FBXW4: variants seen among roughly 807,000 people sequenced by gnomAD.
FBXW4 encodes the protein F-box and WD repeat domain containing 4.
In FBXW4, 40 loss-of-function variants were observed where a neutral mutation model predicts 61.8. That is an observed-to-expected ratio of 0.65 (90% CI 0.50 to 0.84). The LOEUF (loss-of-function observed/expected upper bound fraction) is 0.84, where lower values mean the gene tolerates loss of function less well. FBXW4 is among the 40% of genes least tolerant of loss of function. The pLI, the probability that FBXW4 is intolerant of heterozygous loss-of-function variation, is 0.00. For synonymous variants in FBXW4, 311 were observed against 313.8 expected (o/e 0.99, Z 0.10); for missense variants, 672 against 753.8 (o/e 0.89, Z 1.27).
In FBXW4 at chr10:101,611,292, C is replaced by A; in HGVS notation, c.1703G>T (p.Ter568LeuextTer39). 2 of 1,613,428 alleles carry A rather than the reference C, an allele frequency of 1.2e-6. No individual in the cohort carries two copies. The highest frequency in any genetic ancestry group is 2.2e-5 in the South Asian group (2 of 90,906). The change falls in exon 9 of 9, where the codon TGA (stop) becomes TTA (leucine). Residue 568 changes from the stop codon to leucine, a stop_lost. Coordinates refer to ENST00000331272, the MANE Select transcript of FBXW4 (RefSeq NM_022039.4). The surrounding 1 kb of genome is among the most constrained non-coding windows in gnomAD (Gnocchi z 4.9). ...CAGAGGCAGGGGTGGCCCTGACGGT[C>A]ATGGGTTTTGAAAATCCAGGACGTG... is the stretch of plus-strand genomic sequence containing the variant. ...NLHVLDFQNP[*>L]
At chr10:101,676,778 G>A (rs1398236595) in intron 1 of FBXW4, 3 of 142,696 alleles carry the variant, frequency 2.1e-5, no homozygotes, top group African/African-American at 8.4e-5. Context: ...TACAGGAAAA[G>A]TAATTCAAAA....
At chr10:101,660,329 G>GGT in intron 5 of FBXW4, 3 of 703,336 alleles carry the variant, frequency 4.3e-6, no homozygotes, top group Non-Finnish European at 5.2e-6. Context: ...AGTTGGGTTG[G>GGT]GAGGGGGGGT....
At chr10:101,645,216 T>C (rs1241654116) in intron 5 of FBXW4, among the ~76,000 whole-genome samples, 3 of 152,192 alleles carry the variant, frequency 2.0e-5, no homozygotes, top group Non-Finnish European at 2.9e-5. Flanking sequence ...AGTTCAGATG[T>C]GAAGCCAGAC....
chr10:101,629,748 C>T (rs1349425262), intron 5 of FBXW4, among the ~76,000 whole-genome samples: 1 of 151,762 alleles, frequency 6.6e-6, no homozygotes, highest in Non-Finnish European at 1.5e-5. Context: ...CTCATGTGGG[C>T]TACACTTCAA....
At position 101,694,328 on chromosome 10, in the gene FBXW4, C is replaced by G. The variant is rs1408549594; in HGVS notation, c.725+53G>C. 24 of 1,336,346 alleles carry G rather than the reference C, an allele frequency of 1.8e-5. No homozygotes were observed. Among genetic ancestry groups the G allele is most frequent in the Non-Finnish European group, 2.3e-5 (24 of 1,049,726 alleles). The allele number at this position is 1,336,346 out of a possible 1,614,324, so 82.8% of individuals were successfully genotyped here. A position where few individuals can be genotyped will look rare whatever the true frequency, so the allele number is the denominator to read the frequency against. On this transcript the variant is annotated intron_variant, in intron 1 of 8. Transcript: ENST00000331272. This position sits in a 1 kb window ranked among gnomAD's most constrained non-coding sequence, Gnocchi z 6.0. Reference sequence around the variant, plus strand: ...CAGGCCGCGGCGCCCCGCCCTTTCCCGGGACGCGGGGCCGGCTCGGGGCGG... The same window carrying G: ...CAGGCCGCGGCGCCCCGCCCTTTCCGGGGACGCGGGGCCGGCTCGGGGCGG...
At chr10:101,651,001 G>C (rs1311948987) in intron 5 of FBXW4, among the ~76,000 whole-genome samples, 1 of 152,188 alleles carries the variant, frequency 6.6e-6, no homozygotes, top group Non-Finnish European at 1.5e-5. Context: ...CCCTGAGTTC[G>C]GCAGCCTTTT....
At chr10:101,660,495 C>T (rs2064232549) in intron 5 of FBXW4, among the ~76,000 whole-genome samples, 1 of 152,134 alleles carries the variant, frequency 6.6e-6, no homozygotes. Context: ...TTTATGGCTC[C>T]CCTTCACCCT....
rs2064002995 is a variant in FBXW4 at position 101,636,493 on chromosome 10, A to C, written c.1236-11683T>G. Among the ~76,000 whole-genome samples, 15 of 152,036 alleles carry C rather than the reference A, an allele frequency of 9.9e-5. 1 individual carries two copies. On this transcript the variant is annotated intron_variant, in intron 5 of 8. Transcript: ENST00000331272. Reference sequence around the variant, plus strand: ...TAATGTGTGCCCAAGTGCTGTTCTAAGCACTTTCTATCAATTAGTTCACTT... The same window carrying C: ...TAATGTGTGCCCAAGTGCTGTTCTACGCACTTTCTATCAATTAGTTCACTT...
intron 5 of FBXW4, among the ~76,000 whole-genome samples, chr10:101,657,401 G>A (rs1035783000): frequency 2.0e-5 from 3 of 152,110 alleles, no homozygotes; most frequent in Non-Finnish European, 4.4e-5. Flanking sequence ...GGGAGGCCAA[G>A]GTGGATGGCA....
intron 5 of FBXW4, among the ~76,000 whole-genome samples, chr10:101,654,119 T>TA (rs60568785): frequency 1.5e-4 from 18 of 118,288 alleles, no homozygotes; most frequent in African/African-American, 3.5e-4. Context: ...GACTCCGTCT[T>TA]AAAAAAAAAA....
chr10:101,648,456 C>T (rs975859806), intron 5 of FBXW4, among the ~76,000 whole-genome samples: 5 of 152,190 alleles, frequency 3.3e-5, no homozygotes, highest in Admixed American at 6.5e-5. Context: ...TGAGCAAGCA[C>T]CCTGGATCAG....
intron 5 of FBXW4, among the ~76,000 whole-genome samples, chr10:101,652,954 C>T (rs1056523456): frequency 6.6e-6 from 1 of 152,190 alleles, no homozygotes; most frequent in African/African-American, 2.4e-5. Flanking sequence ...TAATCCCTCA[C>T]ATTATTTCAA....
intron 1 of FBXW4, among the ~76,000 whole-genome samples, chr10:101,683,390 C>T (rs1483071128): frequency 1.3e-5 from 2 of 152,210 alleles, no homozygotes; most frequent in Non-Finnish European, 2.9e-5. Context: ...TCCACTAGGC[C>T]CCTTCTCTCT....
intron 5 of FBXW4, among the ~76,000 whole-genome samples, chr10:101,642,886 A>T (rs2064065937): frequency 6.6e-6 from 1 of 152,204 alleles, no homozygotes; most frequent in Admixed American, 6.5e-5. Context: ...GCTGGGCGTG[A>T]TGCCTACACT....
At chr10:101,640,030 C>T (rs1455847986) in intron 5 of FBXW4, among the ~76,000 whole-genome samples, 3 of 152,222 alleles carry the variant, frequency 2.0e-5, no homozygotes, top group African/African-American at 4.8e-5. Context: ...AATGTCCTCA[C>T]TGAGAGATGA....
At chr10:101,664,952 T>C (rs2064284178) in intron 5 of FBXW4, among the ~76,000 whole-genome samples, 2 of 152,180 alleles carry the variant, frequency 1.3e-5, no homozygotes, top group Non-Finnish European at 2.9e-5. Flanking sequence ...ATATTTAATA[T>C]GACGAAACTG....
At position 101,617,697 on chromosome 10, in the gene FBXW4, T is replaced by C. The variant is rs746280362; in HGVS notation, c.1302-5220A>G. 2.6e-5 allele frequency among the ~76,000 whole-genome samples: 4 copies of C among 152,080 alleles called. No individual in the cohort carries two copies. The South Asian group carries it at 8.3e-4, about 32-fold the overall frequency. On this transcript the variant is annotated intron_variant, in intron 6 of 8. Transcript: ENST00000331272. ...ATAATTACAGGAAGGGGCAGCCGCGTAGATAAAAGGATACAAAATTTCAAC... is the reference window on the plus strand; with the variant it reads ...ATAATTACAGGAAGGGGCAGCCGCGCAGATAAAAGGATACAAAATTTCAAC...
chr10:101,618,903 C>A (rs530347780), intron 6 of FBXW4, among the ~76,000 whole-genome samples: 403 of 151,980 alleles, frequency 2.7e-3, no homozygotes, highest in African/African-American at 9.2e-3. Context: ...AAAAAAAAAA[C>A]CCACAGCAAG....
At chr10:101,674,339 AAG>A (rs1491233233) in intron 2 of FBXW4, among the ~76,000 whole-genome samples, 3 of 150,984 alleles carry the variant, frequency 2.0e-5, no homozygotes, top group Non-Finnish European at 3.0e-5. Context: ...AAAAAAAAAA[AAG>A]AAAGAAAGAA....
Sources: allele counts gnomAD v4.1 joint callset (sites outside exome capture counted in the v4.1 genomes callset), GRCh38; gene constraint gnomAD v4.1.1; non-coding constraint Gnocchi (gnomAD v3.1); transcripts MANE v1.5; gene names NCBI Gene and HGNC (gene_info 2026-07-23, HGNC 2026-07-21).